The following UTP20 variants were observed in gnomAD, a reference collection of about 807,000 sequenced individuals.
UTP20 encodes small subunit processome component 20 homolog.
A neutral mutation model predicts 329.5 loss-of-function variants in UTP20; 164 were observed. The observed-to-expected ratio is 0.50, with a 90% CI of 0.44 to 0.57. The LOEUF (loss-of-function observed/expected upper bound fraction) is 0.57, where lower values mean the gene tolerates loss of function less well. Ranked by LOEUF, UTP20 falls within the 20% of genes least tolerant of loss-of-function variation. The pLI is 0.00. For synonymous variants in UTP20, 1,151 were observed against 1,159.3 expected (o/e 0.99, Z 0.14); for missense variants, 3,055 against 3,284.2 (o/e 0.93, Z 1.71).
At chr12:101,370,323 G>T in intron 49 of UTP20, 109 bp from the exon 50 acceptor site, 2 of 1,318,746 alleles carry the variant, frequency 1.5e-6, no homozygotes, top group Non-Finnish European at 2.1e-6. Context: ...TAGAGGGCTG[G>T]CACCCTGTTT....
intron 29 of UTP20, among the ~76,000 whole-genome samples, chr12:101,334,772 C>T (rs1008116081): frequency 2.0e-5 from 3 of 152,022 alleles, no homozygotes; most frequent in South Asian, 2.1e-4. Flanking sequence ...CTCAGGAATT[C>T]GAGACCAGTC....
At position 101,321,584 on chromosome 12, in the gene UTP20, T is replaced by C. The variant is rs1208114978; in HGVS notation, c.2996T>C (p.Val999Ala). The change falls in exon 25 of 62, where the codon GTA becomes GCA. Residue 999 changes from valine (V) to alanine (A), a missense_variant. Physicochemically the swap from Val to Ala is moderately conservative, Grantham distance 64. Around this residue, in one of 3 missense-constraint regions of UTP20, gnomAD observed 2,445 missense variants for 2,575.5 expected, o/e 0.95. Coordinates refer to ENST00000261637, the MANE Select transcript of UTP20 (RefSeq NM_014503.3). Reference protein sequence around the residue: ...VHFSISEDNAVVKTAHRADLF... With the variant: ...VHFSISEDNAAVKTAHRADLF... ...TTTAGCATTTCAGAAGATAATGCTG[T>C]AGTGAAAACAGCCCACCGAGCAGAT... The C allele has an allele frequency of 6.2e-7, 1 of 1,613,626 alleles. No individual in the cohort carries two copies. Among genetic ancestry groups the C allele is most frequent in the Non-Finnish European group, 8.5e-7 (1 of 1,179,790 alleles).
chr12:101,324,889 G>A (rs556519617), intron 25 of UTP20, among the ~76,000 whole-genome samples: 25 of 151,890 alleles, frequency 1.6e-4, no homozygotes, highest in African/African-American at 6.0e-4. Context: ...ACTACGTTTT[G>A]TTCTTGTAGA....
At chr12:101,306,944 C>T (rs541734030) in intron 17 of UTP20, among the ~76,000 whole-genome samples, 183 bp downstream of exon 17, 54 of 152,036 alleles carry the variant, frequency 3.6e-4, no homozygotes, top group African/African-American at 6.3e-4. Flanking sequence ...GAGGCCGAGG[C>T]GGGCGGATCA....
chr12:101,354,287 AAAG>A (rs1297263427), intron 40 of UTP20, among the ~76,000 whole-genome samples: 11 of 149,180 alleles, frequency 7.4e-5, no homozygotes, highest in Non-Finnish European at 1.5e-4. Context: ...AAAAAAAAGA[AAAG>A]AAATTCAATC....
At chr12:101,305,881 G>A in intron 15 of UTP20, 34 bp from the exon 16 acceptor site, 2 of 1,557,430 alleles carry the variant, frequency 1.3e-6, no homozygotes, top group Non-Finnish European at 1.7e-6. Flanking sequence ...GGGTTATATG[G>A]TACAGTTTGG....
intron 25 of UTP20, among the ~76,000 whole-genome samples, chr12:101,325,501 A>G (rs1301435954): frequency 6.6e-6 from 1 of 152,246 alleles, no homozygotes; most frequent in Non-Finnish European, 1.5e-5. Context: ...AGACGGTGGC[A>G]CCAAATTCTA....
At chr12:101,284,709 T>A (rs1010968724) in intron 2 of UTP20, among the ~76,000 whole-genome samples, 1 of 152,152 alleles carries the variant, frequency 6.6e-6, no homozygotes, top group African/African-American at 2.4e-5. Context: ...ATTGATACCA[T>A]GTTAACAAGT....
chr12:101,378,235 A>G (rs1870537477), intron 56 of UTP20, among the ~76,000 whole-genome samples: 1 of 152,218 alleles, frequency 6.6e-6, no homozygotes, highest in Non-Finnish European at 1.5e-5. Context: ...GATGGAAATT[A>G]TAATTCCAAC....
At chr12:101,345,135 G>A (rs939075016) in intron 36 of UTP20, among the ~76,000 whole-genome samples, 19 of 151,774 alleles carry the variant, frequency 1.3e-4, no homozygotes, top group African/African-American at 4.3e-4. Flanking sequence ...TAGTAGAGAC[G>A]GGGTTTCACC....
At chr12:101,305,653 T>C (rs952943651) in intron 15 of UTP20, among the ~76,000 whole-genome samples, 3 of 150,546 alleles carry the variant, frequency 2.0e-5, no homozygotes, top group Admixed American at 1.3e-4. Flanking sequence ...TACAACTATG[T>C]GGATTGAAGA....
chr12:101,318,780 G>A lies in UTP20; in HGVS notation c.2739-765G>A, dbSNP rs575341151. Among the ~76,000 whole-genome samples, 27 of 148,622 alleles carry A rather than the reference G, an allele frequency of 1.8e-4. 1 individual carries two copies. Among genetic ancestry groups the A allele is most frequent in the Middle Eastern group, 7.0e-3 (2 of 286 alleles). On this transcript the variant is annotated intron_variant, in intron 22 of 61. Coordinates refer to ENST00000261637, the MANE Select transcript of UTP20 (RefSeq NM_014503.3). ...CAGGAGGCAGAGGTTGCTGTGAGCC[G>A]TGGTTGTGCCACTGCACTCCAGCCT...
intron 26 of UTP20, 51 bp downstream of exon 26, chr12:101,327,298 C>A: frequency 6.8e-7 from 1 of 1,463,386 alleles, no homozygotes; most frequent in Non-Finnish European, 9.2e-7. Flanking sequence ...CGGTGGACTT[C>A]TCACATCTCA....
chr12:101,366,842 A>G (rs1366589117), intron 47 of UTP20, 143 bp downstream of exon 47: 1 of 932,688 alleles, frequency 1.1e-6, no homozygotes, highest in Non-Finnish European at 1.6e-6. Flanking sequence ...TTACAGGTGC[A>G]TTGGTCCATT....
At chr12:101,307,305 A>G (rs1446018374) in intron 17 of UTP20, among the ~76,000 whole-genome samples, 1 of 150,428 alleles carries the variant, frequency 6.6e-6, no homozygotes, top group Non-Finnish European at 1.5e-5. Flanking sequence ...ACACACACAC[A>G]CACACACACA....
intron 29 of UTP20, among the ~76,000 whole-genome samples, chr12:101,337,204 G>A (rs1428388437): frequency 6.6e-6 from 1 of 152,160 alleles, no homozygotes; most frequent in African/African-American, 2.4e-5. Flanking sequence ...GAGCCTACCC[G>A]TACCATGCAC....
chr12:101,353,443 G>T (rs1869606923), intron 40 of UTP20, among the ~76,000 whole-genome samples: 1 of 152,114 alleles, frequency 6.6e-6, no homozygotes, highest in African/African-American at 2.4e-5. Context: ...GAAAGTGTAA[G>T]AAAATAAGTA....
intron 49 of UTP20, among the ~76,000 whole-genome samples, 161 bp downstream of exon 49, chr12:101,370,052 T>TAAAA (rs368067856): frequency 8.2e-6 from 1 of 122,124 alleles, no homozygotes; most frequent in Non-Finnish European, 1.9e-5. Flanking sequence ...CGTGTCTACA[T>TAAAA]AAAAAAAAAA....
chr12:101,343,486 C>G (rs900862578), intron 35 of UTP20, among the ~76,000 whole-genome samples: 5 of 152,000 alleles, frequency 3.3e-5, no homozygotes, highest in Non-Finnish European at 5.9e-5. Flanking sequence ...CACACAACCT[C>G]GTGAATATAC....
Sources: gnomAD v4.1 joint callset for allele counts (sites outside exome capture counted in the v4.1 genomes callset) on GRCh38, gnomAD v4.1.1 for gene constraint, gnomAD v4.1.1 regional missense constraint, MANE v1.5 for transcripts, NCBI Gene and HGNC (gene_info 2026-07-23, HGNC 2026-07-21) for gene names.